The following ZNF541 variants were observed in gnomAD, a reference collection of about 807,000 sequenced individuals.
ZNF541 encodes the protein zinc finger protein 541.
In ZNF541, 23 loss-of-function variants were observed where a neutral mutation model predicts 123.5. The ratio of observed to expected loss-of-function variants is 0.19; its 90% CI spans 0.13 to 0.26. The LOEUF (loss-of-function observed/expected upper bound fraction) is 0.26. ZNF541 is among the 10% of genes least tolerant of loss of function. The pLI is 1.00. For synonymous variants in ZNF541, 751 were observed against 754.5 expected (o/e 1.00, Z 0.08); for missense variants, 1,612 against 1,789.9 (o/e 0.90, Z 1.79).
At chr19:47,531,876 A>G (rs1178833215) in intron 11 of ZNF541, 131 bp from the exon 12 acceptor site, 26 of 940,014 alleles carry the variant, frequency 2.8e-5, no homozygotes, top group Non-Finnish European at 9.5e-6. Context: ...GGGAGGGACA[A>G]GGAGGAAGAG....
At chr19:47,564,933 T>G (rs1884055664) in intron 2 of ZNF541, among the ~76,000 whole-genome samples, 1 of 150,834 alleles carries the variant, frequency 6.6e-6, no homozygotes. Context: ...AATCAAGGAG[T>G]GGATAAAGAA....
chr19:47,536,579 C>T (rs1969831462), intron 9 of ZNF541, among the ~76,000 whole-genome samples: 1 of 151,942 alleles, frequency 6.6e-6, no homozygotes, highest in South Asian at 2.1e-4. Flanking sequence ...ATGGCAAGAC[C>T]CCCCTCCCTA....
intron 14 of ZNF541, among the ~76,000 whole-genome samples, chr19:47,525,785 A>G (rs563452754): frequency 1.6e-3 from 246 of 152,088 alleles, no homozygotes; most frequent in Non-Finnish European, 3.1e-3. Flanking sequence ...TGGTGGTGGC[A>G]TGTGCCTGTA....
At chr19:47,561,082 G>A (rs1033163385) in intron 2 of ZNF541, among the ~76,000 whole-genome samples, 1 of 152,196 alleles carries the variant, frequency 6.6e-6, no homozygotes, top group Non-Finnish European at 1.5e-5. Context: ...CAGTTGTGTG[G>A]TTTGTGGGGT....
At chr19:47,546,503 C>T (rs781732420) in intron 4 of ZNF541, among the ~76,000 whole-genome samples, 13 of 150,358 alleles carry the variant, frequency 8.6e-5, no homozygotes, top group Non-Finnish European at 1.3e-4. Flanking sequence ...CAGAGTGAGA[C>T]TCTATCTCAA....
Position 47,545,714 on chromosome 19 carries a change from C to T in ZNF541, c.815G>A (p.Arg272Gln), listed in dbSNP as rs923061330. The change falls in exon 5 of 17, where the codon CGG becomes CAG. Residue 272 changes from arginine to glutamine, a missense_variant. Transcript: ENST00000391901. The surrounding 1 kb of genome is among the most constrained non-coding windows in gnomAD (Gnocchi z 7.5). ...ACTCACGATGCGGCGCAGGAGGTCC[C>T]GGTGGGGCAGGAGGGAGCCGGGGGA... Reference protein sequence around the residue: ...ARSPGSLLPHRDLLRRIVSSI... With the variant: ...ARSPGSLLPHQDLLRRIVSSI... 3.6e-5 allele frequency: 55 copies of T among 1,546,808 alleles called. No homozygotes were observed. Among genetic ancestry groups the T allele is most frequent in the Non-Finnish European group, 4.6e-5 (53 of 1,146,756 alleles).
chr19:47,572,919 C>T (rs541200277), intron 1 of ZNF541, among the ~76,000 whole-genome samples, 164 bp downstream of exon 1: 2 of 151,744 alleles, frequency 1.3e-5, no homozygotes, highest in East Asian at 3.9e-4. Context: ...GGGCGCCCGC[C>T]GCGCCTGCTG....
intron 3 of ZNF541, among the ~76,000 whole-genome samples, chr19:47,550,231 GAC>G (rs1390752731): frequency 1.3e-5 from 2 of 151,614 alleles, no homozygotes; most frequent in Non-Finnish European, 1.5e-5. Context: ...TAGCCTGGGC[GAC>G]AGAGTGGGAC....
intron 2 of ZNF541, among the ~76,000 whole-genome samples, chr19:47,570,817 G>A (rs979620714): frequency 9.9e-5 from 15 of 151,328 alleles, no homozygotes; most frequent in Non-Finnish European, 1.9e-4. Context: ...GCGTGGTGGT[G>A]CACGCCTGCA....
intron 9 of ZNF541, among the ~76,000 whole-genome samples, chr19:47,533,195 C>G (rs1969656627): frequency 6.6e-6 from 1 of 150,814 alleles, no homozygotes; most frequent in Middle Eastern, 3.2e-3. Flanking sequence ...ACAGTGAAAC[C>G]CTGTTCCTAC....
chr19:47,545,810 G>T lies in ZNF541; in HGVS notation c.719C>A (p.Pro240His). 6.5e-7 allele frequency: 1 copy of T among 1,545,936 alleles called. No homozygotes were observed. Among genetic ancestry groups the T allele is most frequent in the Non-Finnish European group, 8.7e-7 (1 of 1,145,092 alleles). The change falls in exon 5 of 17, where the codon CCC becomes CAC. Residue 240 changes from proline to histidine, a missense_variant. Pro to His is a moderately conservative substitution (Grantham distance 77). This residue lies in a region of ZNF541 where 1,080 missense variants were observed against 1,013.8 expected (regional missense o/e 1.07). Coordinates refer to ENST00000391901, the MANE Select transcript of ZNF541 (RefSeq NM_001277075.3). This position sits in a 1 kb window ranked among gnomAD's most constrained non-coding sequence, Gnocchi z 7.5. The stretch of plus-strand genomic sequence containing the variant: ...CTGGCCGGCCGACTCGTGGGCGTGG[G>T]GGGAGTCCCCGCAGGCCTCTTCCTC... ...PPEEEACGDS[P>H]HAHESAGQPP...
intron 3 of ZNF541, among the ~76,000 whole-genome samples, chr19:47,553,296 T>G (rs1970682247): frequency 6.6e-6 from 1 of 151,908 alleles, no homozygotes; most frequent in East Asian, 1.9e-4. Flanking sequence ...TGGAGTGCAG[T>G]AGCATGATCT....
intron 2 of ZNF541, among the ~76,000 whole-genome samples, chr19:47,558,309 G>A (rs71363755): frequency 3.3e-5 from 5 of 151,684 alleles, no homozygotes; most frequent in East Asian, 2.0e-4. Flanking sequence ...CCAGCTACTC[G>A]GGAGGCTGAG....
At chr19:47,522,694 G>A (rs983576862) in intron 14 of ZNF541, among the ~76,000 whole-genome samples, 1 of 151,020 alleles carries the variant, frequency 6.6e-6, no homozygotes, top group South Asian at 2.1e-4. Context: ...TACTTAAGAT[G>A]CTGAGGCGAG....
At chr19:47,523,043 G>C (rs1969112531) in intron 14 of ZNF541, among the ~76,000 whole-genome samples, 1 of 150,910 alleles carries the variant, frequency 6.6e-6, no homozygotes, top group Admixed American at 6.6e-5. Context: ...ACCGCACCCG[G>C]CCAGCAGTGA....
intron 2 of ZNF541, among the ~76,000 whole-genome samples, chr19:47,559,745 G>A (rs902243807): frequency 1.1e-4 from 17 of 151,692 alleles, no homozygotes; most frequent in Admixed American, 7.9e-4. Context: ...AGCTACTTGC[G>A]AGGCTGAGGC....
intron 3 of ZNF541, among the ~76,000 whole-genome samples, chr19:47,549,785 G>A (rs1970519284): frequency 6.6e-6 from 1 of 152,066 alleles, no homozygotes; most frequent in Non-Finnish European, 1.5e-5. Flanking sequence ...CTCTTGGAAC[G>A]GCAATTAGAA....
chr19:47,538,450 T>A lies in ZNF541; in HGVS notation c.2797-11A>T. The A allele has an allele frequency of 6.7e-7, 1 of 1,487,468 alleles. No homozygotes were observed. The highest frequency in any genetic ancestry group is 9.0e-7 in the Non-Finnish European group (1 of 1,116,048). The allele number at this position is 1,487,468 out of a possible 1,614,324, so 92.1% of individuals were successfully genotyped here. On this transcript the variant is annotated splice_polypyrimidine_tract_variant and intron_variant, in intron 8 of 16. Transcript: ENST00000391901. The stretch of plus-strand genomic sequence containing the variant: ...GTCTTTCTCTTGTCCCTGAAGAAGT[T>A]TAGAACCACAGGTGGTCGCCTGAAG...
rs529421153 is a variant in ZNF541 at position 47,557,885 on chromosome 19, A to C, written c.-98-1931T>G. 3.3e-5 allele frequency among the ~76,000 whole-genome samples: 5 copies of C among 152,200 alleles called. No homozygotes were observed. The East Asian group carries it at 9.6e-4, about 29-fold the overall frequency. Reference sequence around the variant, plus strand: ...AAAAAAGAGATGATGGTAACTTCATACTTTTAAGCTTGCACACTAAAAGAA... The same window carrying C: ...AAAAAAGAGATGATGGTAACTTCATCCTTTTAAGCTTGCACACTAAAAGAA... On this transcript the variant is annotated intron_variant, in intron 2 of 16. Transcript: ENST00000391901.
Sources: allele counts gnomAD v4.1 joint callset (sites outside exome capture counted in the v4.1 genomes callset), GRCh38; gene constraint gnomAD v4.1.1; regional missense constraint gnomAD v4.1.1; non-coding constraint Gnocchi (gnomAD v3.1); transcripts MANE v1.5; gene names NCBI Gene and HGNC (gene_info 2026-07-23, HGNC 2026-07-21).